The following ZNF407 variants were observed in gnomAD, a reference collection of about 807,000 sequenced individuals.
ZNF407 encodes zinc finger protein 407.
In ZNF407, 17 loss-of-function variants were observed where a neutral mutation model predicts 131.2. The ratio of observed to expected loss-of-function variants is 0.13; its 90% CI spans 0.09 to 0.19. The LOEUF (loss-of-function observed/expected upper bound fraction) is 0.19, where lower values mean the gene tolerates loss of function less well. Ranked by LOEUF, ZNF407 falls within the 10% of genes least tolerant of loss-of-function variation. ZNF407 has a pLI of 1.00. For missense variants in ZNF407, 2,681 were observed against 2,830.6 expected (o/e 0.95, Z 1.20); for synonymous variants, 1,156 against 1,062.0 (o/e 1.09, Z -1.72).
intron 8 of ZNF407, among the ~76,000 whole-genome samples, chr18:75,029,777 C>T (rs916205391): frequency 8.5e-5 from 13 of 152,180 alleles, no homozygotes; most frequent in Admixed American, 3.3e-4. Context: ...TGTCAACATG[C>T]GTGAGTACAG....
intron 8 of ZNF407, among the ~76,000 whole-genome samples, chr18:75,014,121 G>C (rs775367033): frequency 6.6e-6 from 1 of 152,028 alleles, no homozygotes; most frequent in Non-Finnish European, 1.5e-5. Flanking sequence ...GTTAAAAACA[G>C]TGTGAACTAA....
intron 3 of ZNF407, among the ~76,000 whole-genome samples, chr18:74,678,078 C>T (rs915023564): frequency 2.6e-5 from 4 of 152,162 alleles, no homozygotes; most frequent in Admixed American, 2.6e-4. Context: ...ACCTTGGCCT[C>T]CCAAAGTGCT....
chr18:74,758,010 C>G (rs1969004494), intron 3 of ZNF407, among the ~76,000 whole-genome samples: 1 of 152,128 alleles, frequency 6.6e-6, no homozygotes, highest in Non-Finnish European at 1.5e-5. Context: ...GTTCAACTTA[C>G]TTGAGTCTTT....
intron 1 of ZNF407, among the ~76,000 whole-genome samples, chr18:74,616,847 A>G (rs1983314043): frequency 3.4e-5 from 5 of 146,034 alleles, no homozygotes; most frequent in Admixed American, 2.0e-4. Flanking sequence ...CACCACACGC[A>G]TCCATATCCA....
intron 8 of ZNF407, among the ~76,000 whole-genome samples, chr18:75,031,136 T>C (rs982529331): frequency 4.6e-5 from 7 of 152,210 alleles, no homozygotes; most frequent in African/African-American, 1.7e-4. Flanking sequence ...CAACACAGAT[T>C]GCAGACCTCA....
At chr18:74,984,893 G>A (rs115072526) in intron 8 of ZNF407, among the ~76,000 whole-genome samples, 9 of 152,278 alleles carry the variant, frequency 5.9e-5, no homozygotes, top group East Asian at 3.9e-4. Context: ...CTGAATGTGC[G>A]TAGAGTCAAA....
chr18:74,613,967 T>G (rs1983174617), intron 1 of ZNF407, among the ~76,000 whole-genome samples: 1 of 152,220 alleles, frequency 6.6e-6, no homozygotes, highest in Admixed American at 6.5e-5. Context: ...AACTTCATGT[T>G]TTAGACCTAG....
intron 4 of ZNF407, among the ~76,000 whole-genome samples, chr18:74,787,810 T>C (rs1025065760): frequency 2.0e-5 from 3 of 152,248 alleles, no homozygotes; most frequent in African/African-American, 7.2e-5. Context: ...TCCGCTCATT[T>C]AGCACACAGC....
At chr18:74,658,864 A>G (rs1159318599) in intron 3 of ZNF407, among the ~76,000 whole-genome samples, 9 of 152,208 alleles carry the variant, frequency 5.9e-5, no homozygotes, top group Admixed American at 2.0e-4. Context: ...CCGTAAATAT[A>G]TATTTTAGCT....
At chr18:75,055,917 G>A (rs1973556754) in intron 8 of ZNF407, among the ~76,000 whole-genome samples, 1 of 152,212 alleles carries the variant, frequency 6.6e-6, no homozygotes, top group South Asian at 2.1e-4. Flanking sequence ...TTGAATGTAT[G>A]TGAAAGAATT....
intron 4 of ZNF407, among the ~76,000 whole-genome samples, chr18:74,850,326 GA>G (rs11353372): frequency 0.44 from 66,271 of 151,858 alleles, 15,724 homozygotes; most frequent in Admixed American, 0.53. Context: ...TCTTTCCTTT[GA>G]TTTGTTTCTC....
intron 8 of ZNF407, among the ~76,000 whole-genome samples, chr18:75,018,865 AG>A (rs755308692): frequency 3.9e-5 from 6 of 152,154 alleles, no homozygotes; most frequent in Admixed American, 3.9e-4. Context: ...TTGAGTCTAC[AG>A]GCTTTGTGTG....
intron 8 of ZNF407, among the ~76,000 whole-genome samples, chr18:75,010,428 A>C (rs1005349424): frequency 6.6e-6 from 1 of 152,174 alleles, no homozygotes; most frequent in Non-Finnish European, 1.5e-5. Context: ...CTAAATTCCC[A>C]AAAACAGCAA....
rs140376704 is a variant in ZNF407, at chr18:74,686,488, G to A, written c.4802+45366G>A. ...GCCCAGGTCTGTATTGTCCTTTCCTGGCCTGTTCATTGGCTCCTCTGTTCG... is the reference window on the plus strand; with the variant it reads ...GCCCAGGTCTGTATTGTCCTTTCCTAGCCTGTTCATTGGCTCCTCTGTTCG... On this transcript the variant is annotated intron_variant, in intron 3 of 8. Coordinates refer to ENST00000299687, the MANE Select transcript of ZNF407 (RefSeq NM_017757.3). Among the ~76,000 whole-genome samples the A allele has an allele frequency of 4.6e-4, 70 of 152,094 alleles. No individual in the cohort carries two copies. In the East Asian group the frequency reaches 4.8e-3, roughly 10 times the overall value.
intron 3 of ZNF407, among the ~76,000 whole-genome samples, chr18:74,694,742 G>A (rs1409885202): frequency 6.6e-6 from 1 of 152,084 alleles, no homozygotes; most frequent in Non-Finnish European, 1.5e-5. Flanking sequence ...TTCAATTTCT[G>A]AAAATAGTTG....
At chr18:74,957,321 G>C (rs74962668) in intron 8 of ZNF407, among the ~76,000 whole-genome samples, 4 of 152,124 alleles carry the variant, frequency 2.6e-5, no homozygotes, top group African/African-American at 9.7e-5. Flanking sequence ...AGTCAGTCCC[G>C]TCGCCCTTTC....
At chr18:74,598,745 T>C (rs1342206322) in intron 1 of ZNF407, among the ~76,000 whole-genome samples, 1 of 152,258 alleles carries the variant, frequency 6.6e-6, no homozygotes, top group Non-Finnish European at 1.5e-5. Flanking sequence ...AGTGGGTTTC[T>C]CAGTAGATGC....
intron 4 of ZNF407, among the ~76,000 whole-genome samples, chr18:74,847,258 T>C (rs540356019): frequency 2.2e-4 from 33 of 152,264 alleles, no homozygotes; most frequent in Admixed American, 1.2e-3. Flanking sequence ...GAAGGGTGTT[T>C]ATATGGGACA....
intron 8 of ZNF407, among the ~76,000 whole-genome samples, chr18:75,051,394 A>G (rs1001476005): frequency 2.6e-5 from 4 of 152,210 alleles, no homozygotes. Context: ...ACTAGTAGTC[A>G]TGCAACTGAT....
Sources: allele counts gnomAD v4.1 joint callset (sites outside exome capture counted in the v4.1 genomes callset), GRCh38; gene constraint gnomAD v4.1.1; transcripts MANE v1.5; gene names NCBI Gene and HGNC (gene_info 2026-07-23, HGNC 2026-07-21).